Variants in RHPN1 observed in about 807,000 individuals in gnomAD.
RHPN1 encodes the protein rhophilin-1.
In RHPN1, 77 loss-of-function variants were observed where a neutral mutation model predicts 74.7. The observed-to-expected ratio is 1.03, with a 90% CI of 0.86 to 1.25. The LOEUF (loss-of-function observed/expected upper bound fraction) is 1.25, where lower values mean the gene tolerates loss of function less well. Ranked by LOEUF, RHPN1 falls within the 50% of genes most tolerant of loss-of-function variation. The pLI is 0.00. For synonymous variants in RHPN1, 444 were observed against 414.5 expected (o/e 1.07, Z -0.87); for missense variants, 987 against 932.2 (o/e 1.06, Z -0.77).
intron 1 of RHPN1, among the ~76,000 whole-genome samples, chr8:143,372,218 G>A (rs1233274714): frequency 1.3e-5 from 2 of 152,114 alleles, no homozygotes; most frequent in African/African-American, 2.4e-5. Context: ...GCGGGGAGGG[G>A]GTGTAGCTGC....
upstream of RHPN1, among the ~76,000 whole-genome samples, chr8:143,365,431 G>T (rs1285230448): frequency 3.3e-5 from 5 of 152,206 alleles, no homozygotes; most frequent in Non-Finnish European, 7.3e-5. Context: ...TGCCTCTCTG[G>T]TTCAGTGGTG....
Position 143,380,126 on chromosome 8 carries a change from GC to G in RHPN1, c.1171del (p.Arg391GlufsTer20). The G allele has an allele frequency of 6.4e-7, 1 of 1,550,880 alleles. No homozygotes were observed. Among genetic ancestry groups the G allele is most frequent in the South Asian group, 1.2e-5 (1 of 84,070 alleles). Reference sequence around the variant, plus strand: ...TCCTGCAGCCCCCCACCTCCTCTAAGCCCCGAGGCCCTGTGCTGCCGCAGGA... The same window carrying G: ...TCCTGCAGCCCCCCACCTCCTCTAAGCCCGAGGCCCTGTGCTGCCGCAGGA... Reference protein sequence around the residue: ...VFLQPPTSSKPRGPVLPQELE... With the variant: ...VFLQPPTSSKXRGPVLPQELE... On this transcript the variant is annotated frameshift_variant, in exon 10 of 15. Coordinates refer to ENST00000289013, the MANE Select transcript of RHPN1 (RefSeq NM_052924.3). LOFTEE classifies it high-confidence loss of function.
In RHPN1 at chr8:143,374,026, C is replaced by T. The variant is rs1379458828; in HGVS notation, c.61-1527C>T. ...GCTGCTGTGATTTTGGGGGGCTGGA[C>T]GAGCAGGCCTTCTGTCTAGGAAATC... On this transcript the variant is annotated intron_variant, in intron 1 of 14. Coordinates refer to ENST00000289013, the MANE Select transcript of RHPN1 (RefSeq NM_052924.3). 1.2e-5 allele frequency: 8 copies of T among 695,080 alleles called. No homozygotes were observed. In the South Asian group the frequency reaches 2.6e-4, roughly 22 times the overall value. The allele number at this position is 695,080 out of a possible 1,614,324, so 43.1% of individuals were successfully genotyped here.
chr8:143,381,661 G>T lies in RHPN1; in HGVS notation c.1578G>T (p.Thr526=). The change falls in exon 13 of 15, where the codon ACG becomes ACT. Residue 526 remains threonine (T), a synonymous_variant. Coordinates refer to ENST00000289013, the MANE Select transcript of RHPN1 (RefSeq NM_052924.3). ...GAGGAGAGGGCGGCTTTGGCCTCAC[G>T]CTTCGGGGAGACTCGCCTGTCCTCA... ...LTRGEGGFGL[T]LRGDSPVLIA... is the part of the protein sequence containing the mutation. The T allele has an allele frequency of 6.2e-7, 1 of 1,611,510 alleles. No individual in the cohort carries two copies.
upstream of RHPN1, among the ~76,000 whole-genome samples, chr8:143,364,430 C>T (rs1004298116): frequency 6.6e-6 from 1 of 152,072 alleles, no homozygotes; most frequent in Non-Finnish European, 1.5e-5. This position sits in a 1 kb window ranked among gnomAD's most constrained non-coding sequence, Gnocchi z 4.5. Context: ...CATAAGCACA[C>T]ACAGCCCGGG....
At chr8:143,365,091 C>T (rs893673524), upstream of RHPN1, among the ~76,000 whole-genome samples, 1 of 152,122 alleles carries the variant, frequency 6.6e-6, no homozygotes, top group Non-Finnish European at 1.5e-5. Flanking sequence ...CCAAAATACA[C>T]GGCCAGTTAA....
upstream of RHPN1, among the ~76,000 whole-genome samples, chr8:143,365,566 CA>C (rs1817546062): frequency 6.6e-6 from 1 of 152,240 alleles, no homozygotes; most frequent in Non-Finnish European, 1.5e-5. Context: ...TCAGTCTCTC[CA>C]GACCTTGAGG....
chr8:143,376,893 C>CGTGT (rs1208078623), intron 3 of RHPN1, among the ~76,000 whole-genome samples: 70 of 32,078 alleles, frequency 2.2e-3, no homozygotes, highest in South Asian at 3.2e-3. Flanking sequence ...TGTGTGCATG[C>CGTGT]GTCTGTGTGC....
intron 5 of RHPN1, 29 bp downstream of exon 5, chr8:143,378,375 C>T: frequency 2.1e-6 from 3 of 1,414,358 alleles, no homozygotes; most frequent in East Asian, 5.2e-5. Context: ...CACCCACCCT[C>T]CTGCAGCCCT....
At chr8:143,375,851 G>A (rs926315928) in intron 2 of RHPN1, among the ~76,000 whole-genome samples, 183 bp downstream of exon 2, 4 of 152,248 alleles carry the variant, frequency 2.6e-5, no homozygotes, top group Non-Finnish European at 2.9e-5. Flanking sequence ...ACCTGCCTCC[G>A]TGGGCCTCTG....
At chr8:143,378,850 G>A (rs1359506679) in intron 6 of RHPN1, 30 bp downstream of exon 6, 5 of 1,568,120 alleles carry the variant, frequency 3.2e-6, no homozygotes, top group Non-Finnish European at 4.3e-6. Context: ...AGGCACCCTG[G>A]GGAGGGGAGG....
intron 1 of RHPN1, among the ~76,000 whole-genome samples, chr8:143,369,694 G>C (rs1295527590): frequency 1.3e-5 from 2 of 152,226 alleles, no homozygotes; most frequent in Admixed American, 1.3e-4. Context: ...CTTGTTCCCT[G>C]CGGACCAGCT....
Position 143,383,275 on chromosome 8 carries a change from C to A in RHPN1, c.*624C>A. The A allele has an allele frequency of 6.6e-6, 1 of 151,190 alleles. No individual in the cohort carries two copies. Among genetic ancestry groups the A allele is most frequent in the Non-Finnish European group, 1.5e-5 (1 of 68,588 alleles). 9.4% of individuals were successfully genotyped at this position (151,190 alleles called of 1,614,324 possible). On this transcript the variant is annotated 3_prime_UTR_variant, in exon 15 of 15. Coordinates refer to ENST00000289013, the MANE Select transcript of RHPN1 (RefSeq NM_052924.3). Reference sequence around the variant, plus strand: ...CAAGTGTCCCGTTTGCCCAGGAGTCCCTGGTGTCGTGGCCCAGGTCTCATG... The same window carrying A: ...CAAGTGTCCCGTTTGCCCAGGAGTCACTGGTGTCGTGGCCCAGGTCTCATG...
At chr8:143,376,958 G>A (rs111063683) in intron 3 of RHPN1, among the ~76,000 whole-genome samples, 1,562 of 151,412 alleles carry the variant, frequency 0.01, 13 homozygotes, top group Middle Eastern at 0.017. Context: ...GCGTGTGTCT[G>A]TGTGCACGTG....
intron 1 of RHPN1, among the ~76,000 whole-genome samples, chr8:143,371,740 C>T (rs577298172): frequency 5.0e-4 from 76 of 152,334 alleles, no homozygotes; most frequent in African/African-American, 1.8e-3. Context: ...GCCTCTCTGT[C>T]CTTTCCTAAT....
At chr8:143,380,239 C>A (rs1818621553) in intron 10 of RHPN1, 64 bp downstream of exon 10, 10 of 1,130,388 alleles carry the variant, frequency 8.8e-6, no homozygotes, top group Non-Finnish European at 1.2e-5. Flanking sequence ...CAGGGTGTCC[C>A]CCACCACCCT....
chr8:143,365,812 C>T (rs1469371946), upstream of RHPN1, among the ~76,000 whole-genome samples: 1 of 151,760 alleles, frequency 6.6e-6, no homozygotes, highest in African/African-American at 2.4e-5. Flanking sequence ...GCCTGGGCAA[C>T]ATAGCGAGAC....
chr8:143,371,748 A>C (rs995209081), intron 1 of RHPN1, among the ~76,000 whole-genome samples: 2 of 152,170 alleles, frequency 1.3e-5, no homozygotes, highest in East Asian at 3.9e-4. Context: ...GTCCTTTCCT[A>C]ATGCAAGGCG....
At chr8:143,380,025 C>T (rs761358725) in intron 9 of RHPN1, 37 bp from the exon 10 acceptor site, 4 of 1,548,756 alleles carry the variant, frequency 2.6e-6, no homozygotes, top group Middle Eastern at 1.7e-4. Context: ...CTGCCAAGGC[C>T]CCCCCGCGCA....
Sources: gnomAD v4.1 joint callset for allele counts (sites outside exome capture counted in the v4.1 genomes callset) on GRCh38, gnomAD v4.1.1 for gene constraint, Gnocchi (gnomAD v3.1) non-coding constraint, MANE v1.5 for transcripts, NCBI Gene and HGNC (gene_info 2026-07-23, HGNC 2026-07-21) for gene names.